Variants in SH3YL1 observed in about 807,000 individuals in gnomAD.
SH3YL1 encodes the protein SH3 domain-containing YSC84-like protein 1.
A neutral mutation model predicts 45.8 loss-of-function variants in SH3YL1; 41 were observed. The observed-to-expected ratio is 0.89, with a 90% confidence interval of 0.70 to 1.16. SH3YL1 has a LOEUF of 1.16. Among genes scored for constraint, SH3YL1 ranks in the 50% most tolerant of loss-of-function variants. The pLI is 0.00. For missense variants in SH3YL1, 389 were observed against 409.6 expected, an observed-to-expected ratio of 0.95 and a Z score of 0.43; for synonymous variants, 152 against 151.4, an observed-to-expected ratio of 1.00 and a Z score of -0.03.
chr2:220,170 C>A (rs1423336875), intron 9 of SH3YL1, among the ~76,000 whole-genome samples: 1 of 138,900 alleles, frequency 7.2e-6, no homozygotes, highest in Non-Finnish European at 1.5e-5. Flanking sequence ...GAGCCAGGTC[C>A]TATTTGAACC....
chr2:262,868 G>T (rs1669643816), intron 1 of SH3YL1: 1 of 439,422 alleles, frequency 2.3e-6, no homozygotes, highest in Non-Finnish European at 3.7e-6. Flanking sequence ...AAGATGAGGG[G>T]TAACATTTAC....
rs899411848 is a variant in SH3YL1 at position 253,011 on chromosome 2, T to G, written c.106A>C (p.Ile36Leu). The change falls in exon 2 of 10, where the codon ATT becomes CTT. Residue 36 changes from isoleucine to leucine, a missense_variant. By Grantham distance (5) the Ile-to-Leu change is conservative. Coordinates refer to ENST00000356150, the MANE Select transcript of SH3YL1 (RefSeq NM_015677.4). ...ITSRNGPDKI[I>L]PAHVIAKAKG... ...ACTCATCCTATTTACCTACCAGGAA[T>G]GATCTTATCAGGTCCATTTCTGGAA... 57 of 1,527,972 alleles carry G rather than the reference T, an allele frequency of 3.7e-5. No homozygotes were observed. Among genetic ancestry groups the G allele is most frequent in the African/African-American group, 6.9e-5 (5 of 72,476 alleles). The allele number at this position is 1,527,972 out of a possible 1,614,324, so 94.7% of individuals were successfully genotyped here.
chr2:229,728 C>CAAAAAAAA (rs397709071), intron 8 of SH3YL1, among the ~76,000 whole-genome samples: 2 of 93,374 alleles, frequency 2.1e-5, no homozygotes, highest in African/African-American at 4.5e-5. Flanking sequence ...GACTCCGTCT[C>CAAAAAAAA]AAAAAAAAAA....
chr2:241,894 T>C (rs1668564089), intron 4 of SH3YL1: 1 of 152,110 alleles, frequency 6.6e-6, no homozygotes, highest in African/African-American at 2.4e-5. Flanking sequence ...TTACAAGAAA[T>C]ATTATAAATT....
intron 4 of SH3YL1, among the ~76,000 whole-genome samples, chr2:247,013 G>A (rs943910548): frequency 1.4e-4 from 22 of 152,192 alleles, no homozygotes; most frequent in African/African-American, 2.4e-4. Context: ...GAGGATCCCC[G>A]TGTAGGAGGC....
intron 9 of SH3YL1, among the ~76,000 whole-genome samples, chr2:221,967 C>G (rs1259744604): frequency 6.6e-6 from 1 of 151,936 alleles, no homozygotes; most frequent in East Asian, 1.9e-4. Flanking sequence ...AGTTTAATGC[C>G]CACAAAGAAT....
intron 8 of SH3YL1, among the ~76,000 whole-genome samples, 155 bp from the exon 9 acceptor site, chr2:225,075 G>T (rs1450986269): frequency 2.0e-5 from 3 of 152,140 alleles, no homozygotes; most frequent in African/African-American, 7.2e-5. Context: ...AAATCACAAG[G>T]TATACCTGAA....
intron 2 of SH3YL1, among the ~76,000 whole-genome samples, chr2:251,053 T>C (rs1669052567): frequency 6.6e-6 from 1 of 152,202 alleles, no homozygotes; most frequent in East Asian, 1.9e-4. Context: ...TTGCCCCTAT[T>C]GGGAATATTA....
At chr2:257,097 GTTAA>G (rs1669369667) in intron 1 of SH3YL1, among the ~76,000 whole-genome samples, 1 of 151,852 alleles carries the variant, frequency 6.6e-6, no homozygotes, top group Non-Finnish European at 1.5e-5. Context: ...TTTTTTGCTT[GTTAA>G]TTTGTTTAAA....
At chr2:251,605 C>T (rs1014137003) in intron 2 of SH3YL1, among the ~76,000 whole-genome samples, 4 of 152,110 alleles carry the variant, frequency 2.6e-5, no homozygotes, top group African/African-American at 7.2e-5. Flanking sequence ...TCTAAAGCAG[C>T]GCTTCTGAAA....
At chr2:261,523 T>A (rs79314403) in intron 1 of SH3YL1, among the ~76,000 whole-genome samples, 13 of 152,298 alleles carry the variant, frequency 8.5e-5, no homozygotes, top group Middle Eastern at 3.4e-3. Flanking sequence ...ATTTTTTTTT[T>A]AAATTAGAAG....
chr2:224,759 G>T, intron 9 of SH3YL1, 105 bp downstream of exon 9: 1 of 832,278 alleles, frequency 1.2e-6, no homozygotes, highest in Non-Finnish European at 2.0e-6. Flanking sequence ...AAATTAAAGG[G>T]CTGAACACTT....
chr2:255,725 C>A (rs1669291051), intron 1 of SH3YL1, among the ~76,000 whole-genome samples: 2 of 151,370 alleles, frequency 1.3e-5, no homozygotes, highest in Non-Finnish European at 3.0e-5. Flanking sequence ...AAGATCCAGA[C>A]CAGGAAAAAA....
chr2:228,296 G>A (rs898896231), intron 8 of SH3YL1, among the ~76,000 whole-genome samples: 3 of 152,194 alleles, frequency 2.0e-5, no homozygotes, highest in African/African-American at 4.8e-5. Context: ...CGTGGTCACC[G>A]TGGGAAACAG....
At chr2:230,640 G>C (rs1667993096) in intron 7 of SH3YL1, 1 of 266,380 alleles carries the variant, frequency 3.8e-6, no homozygotes, top group Admixed American at 5.1e-5. Flanking sequence ...CTGAGTAGCT[G>C]AGATTATGGG....
chr2:229,947 T>A lies in SH3YL1; in HGVS notation c.781+19A>T. 1 of 1,596,722 alleles carries A rather than the reference T, an allele frequency of 6.3e-7. No individual in the cohort carries two copies. The highest frequency in any genetic ancestry group is 1.3e-5 in the African/African-American group (1 of 74,648). On this transcript the variant is annotated intron_variant, in intron 8 of 9. Transcript: ENST00000356150. ...TTACTTAATTACAACTGTATTTGAATTGCAACAAAAATATTTACTTTGAGA... is the reference window on the plus strand; with the variant it reads ...TTACTTAATTACAACTGTATTTGAAATGCAACAAAAATATTTACTTTGAGA...
intron 4 of SH3YL1, among the ~76,000 whole-genome samples, chr2:243,343 A>G (rs1352097375): frequency 6.6e-6 from 1 of 152,346 alleles, no homozygotes; most frequent in East Asian, 1.9e-4. Flanking sequence ...TTTGACCCCA[A>G]TGGAATGAAA....
chr2:246,215 A>G (rs1668802773), intron 4 of SH3YL1, among the ~76,000 whole-genome samples: 1 of 151,958 alleles, frequency 6.6e-6, no homozygotes, highest in Non-Finnish European at 1.5e-5. Flanking sequence ...AAGAGAAAAA[A>G]GAAAAAAAAT....
intron 6 of SH3YL1, among the ~76,000 whole-genome samples, chr2:232,022 C>T (rs2103026573): frequency 6.6e-6 from 1 of 152,100 alleles, no homozygotes; most frequent in African/African-American, 2.4e-5. Context: ...TGGCCAATGC[C>T]AGCAGTGCCA....
Sources: gnomAD v4.1 joint callset for allele counts (sites outside exome capture counted in the v4.1 genomes callset) on GRCh38, gnomAD v4.1.1 for gene constraint, MANE v1.5 for transcripts, NCBI Gene and HGNC (gene_info 2026-07-23, HGNC 2026-07-21) for gene names.